The following ZBTB7C variants were observed in gnomAD, a reference collection of about 807,000 sequenced individuals.
ZBTB7C encodes zinc finger and BTB domain containing 7C.
In ZBTB7C, 8 loss-of-function variants were observed where a neutral mutation model predicts 25.7. The observed-to-expected ratio is 0.31, with a 90% CI of 0.18 to 0.56. The LOEUF is 0.56. Among genes scored for constraint, ZBTB7C ranks in the 20% least tolerant of loss-of-function variants. ZBTB7C has a pLI of 0.91. For missense variants in ZBTB7C, 824 were observed against 855.2 expected, an observed-to-expected ratio of 0.96 and a Z score of 0.46; for synonymous variants, 394 against 369.0, an observed-to-expected ratio of 1.07 and a Z score of -0.78.
chr18:48,074,467 G>A (rs1384917126), intron 3 of ZBTB7C, among the ~76,000 whole-genome samples: 1 of 152,248 alleles, frequency 6.6e-6, no homozygotes, highest in Non-Finnish European at 1.5e-5. Context: ...TAGGTGCTCA[G>A]CAGACGACTG....
At chr18:48,367,238 T>C (rs8095067) in intron 1 of ZBTB7C, among the ~76,000 whole-genome samples, 19 of 92,344 alleles carry the variant, frequency 2.1e-4, no homozygotes, top group Admixed American at 2.4e-4. Context: ...CACACATACA[T>C]ACACACACAC....
intron 2 of ZBTB7C, among the ~76,000 whole-genome samples, chr18:48,270,250 T>C (rs2044435567): frequency 6.9e-6 from 1 of 144,736 alleles, no homozygotes; most frequent in Non-Finnish European, 1.5e-5. Context: ...TTTTTCTCTC[T>C]TTCTTTTTTT....
chr18:48,170,829 G>A (rs771234410), intron 3 of ZBTB7C, among the ~76,000 whole-genome samples: 4 of 151,466 alleles, frequency 2.6e-5, no homozygotes, highest in Non-Finnish European at 4.4e-5. Flanking sequence ...ACAGATGACC[G>A]AGAACCCCCC....
rs1172219480 is a variant in ZBTB7C, at chr18:48,085,844, C to T, written c.-16-44721G>A. Among the ~76,000 whole-genome samples, 2 of 152,140 alleles carry T rather than the reference C, an allele frequency of 1.3e-5. 1 individual carries two copies. The highest frequency in any genetic ancestry group is 3.9e-4 in the East Asian group (2 of 5,180). ...CCTCCCTGCCTGGCCAGGGGCCCTG[C>T]CTGGCTCCAGCAGCAGATTCAGTGA... On this transcript the variant is annotated intron_variant, in intron 3 of 4. Coordinates refer to ENST00000590800, the MANE Select transcript of ZBTB7C (RefSeq NM_001318841.2).
chr18:48,129,326 G>GAC (rs1216637631), intron 3 of ZBTB7C, among the ~76,000 whole-genome samples: 1 of 134,920 alleles, frequency 7.4e-6, no homozygotes, highest in Non-Finnish European at 1.5e-5. Flanking sequence ...ATTAACTGAG[G>GAC]ACACACACAC....
At chr18:48,153,921 G>T (rs1392553483) in intron 3 of ZBTB7C, among the ~76,000 whole-genome samples, 1 of 152,200 alleles carries the variant, frequency 6.6e-6, no homozygotes. Flanking sequence ...GGCCTAGGAG[G>T]CTGTAGGAAC....
At chr18:48,215,743 G>C (rs928015789) in intron 2 of ZBTB7C, among the ~76,000 whole-genome samples, 6 of 152,016 alleles carry the variant, frequency 3.9e-5, no homozygotes, top group Non-Finnish European at 5.9e-5. Flanking sequence ...ACTCTCTTCA[G>C]GATCAGAAAA....
At chr18:48,313,500 A>G (rs1453633507) in intron 2 of ZBTB7C, among the ~76,000 whole-genome samples, 1 of 152,182 alleles carries the variant, frequency 6.6e-6, no homozygotes, top group East Asian at 1.9e-4. Flanking sequence ...TCAGCCTGCA[A>G]TCACTGCTCT....
chr18:48,131,605 G>T (rs2039987704), intron 3 of ZBTB7C, among the ~76,000 whole-genome samples: 1 of 152,148 alleles, frequency 6.6e-6, no homozygotes, highest in Admixed American at 6.5e-5. Context: ...GGGATAAAAT[G>T]ATTTCACTGT....
intron 1 of ZBTB7C, among the ~76,000 whole-genome samples, chr18:48,354,745 G>T (rs549248364): frequency 6.6e-6 from 1 of 152,272 alleles, no homozygotes; most frequent in African/African-American, 2.4e-5. Context: ...GGGAGGAAAG[G>T]GCTGGTGTGT....
chr18:48,312,996 T>C (rs2045859261), intron 2 of ZBTB7C, among the ~76,000 whole-genome samples: 1 of 152,256 alleles, frequency 6.6e-6, no homozygotes, highest in Admixed American at 6.5e-5. Context: ...CCTATTGTCA[T>C]CAACTCATCT....
At chr18:48,150,252 T>A (rs547801676) in intron 3 of ZBTB7C, 12 of 152,326 alleles carry the variant, frequency 7.9e-5, no homozygotes, top group African/African-American at 2.9e-4. Flanking sequence ...CTTGGGAAAC[T>A]GCATAAGGTG....
chr18:48,157,450 A>G (rs1235228475), intron 3 of ZBTB7C, among the ~76,000 whole-genome samples: 1 of 152,162 alleles, frequency 6.6e-6, no homozygotes, highest in Non-Finnish European at 1.5e-5. Flanking sequence ...TGATCAGATA[A>G]GAAGTGGTCC....
At chr18:48,141,638 C>T (rs529457800) in intron 3 of ZBTB7C, among the ~76,000 whole-genome samples, 6 of 152,246 alleles carry the variant, frequency 3.9e-5, no homozygotes, top group East Asian at 3.9e-4. Context: ...GCGTGGGCAG[C>T]GGGTCAGTCT....
rs927504344 is a variant in ZBTB7C at position 48,178,713 on chromosome 18, T to C, written c.-17+7221A>G. Among the ~76,000 whole-genome samples, 3 of 152,204 alleles carry C rather than the reference T, an allele frequency of 2.0e-5. No individual in the cohort carries two copies. The South Asian group carries it at 6.2e-4, about 32-fold the overall frequency. On this transcript the variant is annotated intron_variant, in intron 3 of 4. Transcript: ENST00000590800. The stretch of plus-strand genomic sequence containing the variant: ...CGGGTCTGGCAACTTCTCTGATGCA[T>C]TGTCTACTTGAAAGTAAAGACGAAG...
At chr18:48,402,345 G>A (rs1272412728) in intron 1 of ZBTB7C, among the ~76,000 whole-genome samples, 1 of 152,034 alleles carries the variant, frequency 6.6e-6, no homozygotes, top group East Asian at 1.9e-4. Context: ...ATTACTTTAA[G>A]GAATACTACA....
intron 3 of ZBTB7C, among the ~76,000 whole-genome samples, chr18:48,170,338 G>C (rs1191535546): frequency 6.6e-6 from 1 of 152,232 alleles, no homozygotes; most frequent in Non-Finnish European, 1.5e-5. Flanking sequence ...ATCTGGACCT[G>C]AACAGGGACT....
intron 1 of ZBTB7C, among the ~76,000 whole-genome samples, chr18:48,366,963 C>T (rs1161713425): frequency 6.6e-6 from 1 of 151,832 alleles, no homozygotes; most frequent in African/African-American, 2.4e-5. Context: ...GAGACTGCCT[C>T]TGCTAAAGGA....
At chr18:48,297,849 C>T (rs72909620) in intron 2 of ZBTB7C, among the ~76,000 whole-genome samples, 30,814 of 152,168 alleles carry the variant, frequency 0.2, 3,269 homozygotes, top group Non-Finnish European at 0.24. Context: ...TTTGCTGCCT[C>T]TGAGGTGGTC....
Sources: allele counts gnomAD v4.1 joint callset (sites outside exome capture counted in the v4.1 genomes callset), GRCh38; gene constraint gnomAD v4.1.1; transcripts MANE v1.5; gene names NCBI Gene and HGNC (gene_info 2026-07-23, HGNC 2026-07-21).